MAGI2: variants seen among roughly 807,000 people sequenced by gnomAD.
MAGI2 encodes the protein membrane-associated guanylate kinase, WW and PDZ domain-containing protein 2.
A neutral mutation model predicts 133.3 loss-of-function variants in MAGI2; 35 were observed. The ratio of observed to expected loss-of-function variants is 0.26; its 90% confidence interval spans 0.20 to 0.35. The LOEUF (loss-of-function observed/expected upper bound fraction) is 0.35. Among genes scored for constraint, MAGI2 ranks in the 10% least tolerant of loss-of-function variants. The pLI, the probability that MAGI2 is intolerant of heterozygous loss-of-function variation, is 1.00. For synonymous variants in MAGI2, 729 were observed against 710.6 expected (o/e 1.03, Z -0.41); for missense variants, 1,636 against 1,863.4 (o/e 0.88, Z 2.25).
At chr7:78,100,420 T>C (rs1818109106) in intron 20 of MAGI2, among the ~76,000 whole-genome samples, 1 of 151,438 alleles carries the variant, frequency 6.6e-6, no homozygotes, top group African/African-American at 2.4e-5. Flanking sequence ...TGTGTGAACA[T>C]GCTCACTGCA....
intron 6 of MAGI2, among the ~76,000 whole-genome samples, chr7:78,394,505 G>A (rs1332911603): frequency 6.6e-6 from 1 of 152,076 alleles, no homozygotes; most frequent in Admixed American, 6.6e-5. Flanking sequence ...TTTTACACAT[G>A]TTGTTTGCTC....
chr7:78,994,904 T>G (rs889933012), intron 2 of MAGI2, among the ~76,000 whole-genome samples: 29 of 152,108 alleles, frequency 1.9e-4, no homozygotes, highest in African/African-American at 6.0e-4. Context: ...AATGCAAGGA[T>G]GAAGAACTGG....
At chr7:78,538,951 T>C (rs1055998039) in intron 3 of MAGI2, among the ~76,000 whole-genome samples, 3 of 152,240 alleles carry the variant, frequency 2.0e-5, no homozygotes, top group Admixed American at 6.5e-5. Context: ...ACATTGAATA[T>C]AAGTGGCCTA....
At chr7:79,210,361 T>C (rs1829405729) in intron 1 of MAGI2, among the ~76,000 whole-genome samples, 1 of 152,076 alleles carries the variant, frequency 6.6e-6, no homozygotes. Flanking sequence ...CTTTCTGAGG[T>C]ATCTGGGGCT....
intron 4 of MAGI2, among the ~76,000 whole-genome samples, chr7:78,509,625 C>A (rs962514200): frequency 6.6e-5 from 10 of 152,134 alleles, no homozygotes; most frequent in African/African-American, 9.7e-5. Context: ...ATTCCGTTTG[C>A]TTTCTTGTTT....
At chr7:78,240,443 G>A (rs1165589121) in intron 10 of MAGI2, among the ~76,000 whole-genome samples, 1 of 152,086 alleles carries the variant, frequency 6.6e-6, no homozygotes, top group Non-Finnish European at 1.5e-5. Flanking sequence ...CTATATAATG[G>A]AATGGTATTC....
intron 2 of MAGI2, among the ~76,000 whole-genome samples, chr7:78,815,477 T>C (rs1408001115): frequency 6.6e-6 from 1 of 152,188 alleles, no homozygotes; most frequent in African/African-American, 2.4e-5. Flanking sequence ...CCATATAGGC[T>C]ATCTCATTTC....
chr7:78,229,479 A>G (rs976192595), intron 10 of MAGI2, among the ~76,000 whole-genome samples: 1 of 152,200 alleles, frequency 6.6e-6, no homozygotes, highest in Non-Finnish European at 1.5e-5. Context: ...GCTGAGGAAG[A>G]AACCACATAC....
chr7:79,434,878 C>T (rs1848031422), intron 1 of MAGI2, among the ~76,000 whole-genome samples: 1 of 152,118 alleles, frequency 6.6e-6, no homozygotes, highest in Non-Finnish European at 1.5e-5. Flanking sequence ...ATGTCGTGGG[C>T]CTCATTCAAT....
At chr7:79,415,598 G>A (rs1176720170) in intron 1 of MAGI2, 1 of 152,084 alleles carries the variant, frequency 6.6e-6, no homozygotes, top group East Asian at 1.9e-4. Context: ...ACCTACAGTT[G>A]GAAGTTTCCA....
chr7:78,402,425 G>T (rs1054446683), intron 6 of MAGI2, among the ~76,000 whole-genome samples: 9 of 151,654 alleles, frequency 5.9e-5, no homozygotes, highest in Non-Finnish European at 1.0e-4. Flanking sequence ...TTCCACCTGG[G>T]GTATGCATGT....
intron 5 of MAGI2, 56 bp from the exon 6 acceptor site, chr7:78,489,896 T>C: frequency 8.2e-7 from 1 of 1,222,072 alleles, no homozygotes; most frequent in Non-Finnish European, 1.1e-6. Context: ...ATCAAGTTTA[T>C]TCCTTAAGAA....
chr7:79,303,672 T>C (rs1248602183), intron 1 of MAGI2, among the ~76,000 whole-genome samples: 3 of 152,230 alleles, frequency 2.0e-5, no homozygotes, highest in African/African-American at 7.2e-5. Context: ...AATCCATTAA[T>C]GAACTCTGAC....
intron 1 of MAGI2, among the ~76,000 whole-genome samples, chr7:79,347,263 A>G (rs779160596): frequency 4.0e-5 from 6 of 149,434 alleles, no homozygotes; most frequent in Non-Finnish European, 7.4e-5. Flanking sequence ...AACCAAAAAC[A>G]TATGTCAAAT....
At position 79,453,542 on chromosome 7, in the gene MAGI2, G is replaced by A. The variant is rs1317337183; in HGVS notation, c.-222C>T. The A allele has an allele frequency of 3.7e-6, 5 of 1,336,272 alleles. No individual in the cohort carries two copies. The highest frequency in any genetic ancestry group is 4.8e-6 in the Non-Finnish European group (5 of 1,047,152). The allele number at this position is 1,336,272 out of a possible 1,614,324, so 82.8% of individuals were successfully genotyped here. A position where few individuals can be genotyped will look rare whatever the true frequency, so the allele number is the denominator to read the frequency against. On this transcript the variant is annotated 5_prime_UTR_variant, in exon 1 of 22. Coordinates refer to ENST00000354212, the MANE Select transcript of MAGI2 (RefSeq NM_012301.4). ...GGCAGAGGTAGGAGAGCTTGGATGAGGTTGTGCTGTCCCTTGAATGACACT... is the reference window on the plus strand; with the variant it reads ...GGCAGAGGTAGGAGAGCTTGGATGAAGTTGTGCTGTCCCTTGAATGACACT...
intron 1 of MAGI2, among the ~76,000 whole-genome samples, chr7:79,268,327 T>C (rs1834631648): frequency 6.6e-6 from 1 of 152,204 alleles, no homozygotes; most frequent in African/African-American, 2.4e-5. Flanking sequence ...ATTTATACAG[T>C]GACCATCATC....
intron 21 of MAGI2, among the ~76,000 whole-genome samples, chr7:78,029,584 TC>T (rs1208143137): frequency 3.9e-5 from 6 of 152,184 alleles, no homozygotes; most frequent in African/African-American, 1.4e-4. Flanking sequence ...CCACCCTGAG[TC>T]CCAACCGCAG....
chr7:78,123,347 A>G, intron 20 of MAGI2, among the ~76,000 whole-genome samples: 1 of 152,162 alleles, frequency 6.6e-6, no homozygotes, highest in Non-Finnish European at 1.5e-5. Context: ...GATGCCTGAA[A>G]TCACAGGCAG....
At chr7:78,685,468 T>C (rs961277291) in intron 2 of MAGI2, among the ~76,000 whole-genome samples, 1 of 9,768 alleles carries the variant, frequency 1.0e-4, no homozygotes, top group South Asian at 3.1e-3. Flanking sequence ...TCATTGTCGT[T>C]TTTTTTTTTT....
Sources: gnomAD v4.1 joint callset for allele counts (sites outside exome capture counted in the v4.1 genomes callset) on GRCh38, gnomAD v4.1.1 for gene constraint, MANE v1.5 for transcripts, NCBI Gene and HGNC (gene_info 2026-07-23, HGNC 2026-07-21) for gene names.